MDN1: variants seen among roughly 807,000 people sequenced by gnomAD.
MDN1 encodes the protein midasin AAA ATPase 1, also known as midasin.
A neutral mutation model predicts 669.2 loss-of-function variants in MDN1; 266 were observed. The ratio of observed to expected loss-of-function variants is 0.40; its 90% CI spans 0.36 to 0.44. The LOEUF (loss-of-function observed/expected upper bound fraction) is 0.44, where lower values mean the gene tolerates loss of function less well. Among genes scored for constraint, MDN1 ranks in the 20% least tolerant of loss-of-function variants. The pLI is 1.00. For missense variants in MDN1, 5,940 were observed against 6,754.0 expected (o/e 0.88, Z 4.22); for synonymous variants, 2,385 against 2,457.1 (o/e 0.97, Z 0.87).
chr6:89,749,769 G>GC lies in MDN1; in HGVS notation c.3407-19dup. The GC allele has an allele frequency of 6.5e-7, 1 of 1,542,762 alleles. No individual in the cohort carries two copies. Among genetic ancestry groups the GC allele is most frequent in the Non-Finnish European group, 9.0e-7 (1 of 1,115,606 alleles). On this transcript the variant is annotated intron_variant, in intron 24 of 101. Transcript: ENST00000369393. ...AAGAACACCTAGGAAGAAACAAACAGCAAGAACTAGTGTATAAATCAGTAC... is the reference window on the plus strand; with the variant it reads ...AAGAACACCTAGGAAGAAACAAACAGCCAAGAACTAGTGTATAAATCAGTAC...
At chr6:89,799,579 A>G (rs1767495636) in intron 2 of MDN1, among the ~76,000 whole-genome samples, 1 of 152,144 alleles carries the variant, frequency 6.6e-6, no homozygotes. Context: ...GCTACTTCGG[A>G]GGCTGAGGCA....
At chr6:89,785,596 T>C (rs1818914441) in intron 8 of MDN1, among the ~76,000 whole-genome samples, 1 of 152,124 alleles carries the variant, frequency 6.6e-6, no homozygotes, top group East Asian at 1.9e-4. Context: ...CTGGGGAAGG[T>C]ACATGCTTAT....
Position 89,723,556 on chromosome 6 carries a change from T to A in MDN1, c.5734A>T (p.Ile1912Phe). Residue 1912 changes from isoleucine (I) to phenylalanine (F), a missense_variant, in exon 39 of 102, where the codon ATT (isoleucine) becomes TTT (phenylalanine). Ile to Phe is a conservative substitution (Grantham distance 21, BLOSUM62 0). Around this residue, in one of 5 missense-constraint regions of MDN1, gnomAD observed 2,292 missense variants for 2,638.3 expected, o/e 0.87. Transcript: ENST00000369393. ...EFIASTLFPA[I>F]EKNIVKKMVA... ...ATTTTCTTAACAATATTTTTCTCAATGGCTGGAAACAAAGTACTGGCAATG... is the reference window on the plus strand; with the variant it reads ...ATTTTCTTAACAATATTTTTCTCAAAGGCTGGAAACAAAGTACTGGCAATG... The A allele has an allele frequency of 1.2e-6, 2 of 1,604,254 alleles. No homozygotes were observed. Among genetic ancestry groups the A allele is most frequent in the Non-Finnish European group, 1.7e-6 (2 of 1,173,366 alleles).
At chr6:89,793,715 T>C (rs1391302543) in intron 5 of MDN1, 47 bp downstream of exon 5, 3 of 1,501,444 alleles carry the variant, frequency 2.0e-6, no homozygotes, top group African/African-American at 1.4e-5. Flanking sequence ...GCACACTCAG[T>C]GTTTAGTAGG....
At chr6:89,814,799 G>A (rs891639794) in intron 1 of MDN1, 55 of 455,122 alleles carry the variant, frequency 1.2e-4, no homozygotes, top group Non-Finnish European at 2.2e-5. Context: ...CTCCGCCAGG[G>A]CCCTGGGTTC....
chr6:89,710,338 G>A lies in MDN1; in HGVS notation c.7765+343C>T, dbSNP rs529474011. Among the ~76,000 whole-genome samples the A allele has an allele frequency of 2.6e-5, 4 of 152,002 alleles. No homozygotes were observed. In the Middle Eastern group the frequency reaches 0.01, roughly 388 times the overall value. On this transcript the variant is annotated intron_variant, in intron 50 of 101. Coordinates refer to ENST00000369393, the MANE Select transcript of MDN1 (RefSeq NM_014611.3). ...ACTCCTAGATTCTTTTTACTCCATGGCATATCATCAGCCTCCTTCAGAAGC... is the reference window on the plus strand; with the variant it reads ...ACTCCTAGATTCTTTTTACTCCATGACATATCATCAGCCTCCTTCAGAAGC...
At position 89,728,275 on chromosome 6, in the gene MDN1, A is replaced by C. The variant is rs553954785; in HGVS notation, c.5350-320T>G. Among the ~76,000 whole-genome samples, 395 of 152,334 alleles carry C rather than the reference A, an allele frequency of 2.6e-3. 2 individuals are homozygous for C. The highest frequency in any genetic ancestry group is 8.8e-3 in the African/African-American group (367 of 41,576). ...CAAAATCCTATTCCAAAGGATTCTC[A>C]TTCAATTTGTCATCTGTACCATATT... On this transcript the variant is annotated intron_variant, in intron 36 of 101. Coordinates refer to ENST00000369393, the MANE Select transcript of MDN1 (RefSeq NM_014611.3).
intron 45 of MDN1, 51 bp downstream of exon 45, chr6:89,715,602 T>G (rs369069060): frequency 6.3e-6 from 7 of 1,105,118 alleles, no homozygotes; most frequent in African/African-American, 1.5e-5. Context: ...CGTCTACCTC[T>G]GCTACTGAGG....
rs200745192 is a variant in MDN1, at chr6:89,650,096, G to A, written c.16134C>T (p.Pro5378=). The change falls in exon 97 of 102, where the codon CCC becomes CCT. Residue 5378 remains proline, a synonymous_variant. Transcript: ENST00000369393. ...KDKIWLRRTK[P]SKRQYQICLA... ...AACAAATCTGATACTGGCGTTTACT[G>A]GGCTTGGTCCTTCGAAGCCAAATCT... 6.2e-7 allele frequency: 1 copy of A among 1,614,042 alleles called. No individual in the cohort carries two copies. Among genetic ancestry groups the A allele is most frequent in the Non-Finnish European group, 8.5e-7 (1 of 1,180,012 alleles).
chr6:89,745,399 G>A lies in MDN1; in HGVS notation c.4052C>T (p.Thr1351Ile). 1 of 1,614,060 alleles carries A rather than the reference G, an allele frequency of 6.2e-7. No individual in the cohort carries two copies. The highest frequency in any genetic ancestry group is 2.2e-5 in the East Asian group (1 of 44,870). ...NVLKLLGKLS[T>I]QISTLECNFG... is the part of the protein sequence containing the mutation. ...GTTACACTCCAATGTGGATATCTGA[G>A]TAGACAATTTACCTATCCAAGGAAA... Residue 1351 changes from threonine (T) to isoleucine (I), a missense_variant, in exon 29 of 102, where the codon ACT becomes ATT. By Grantham distance (89) the Thr-to-Ile change is moderately conservative. Around this residue, in one of 5 missense-constraint regions of MDN1, gnomAD observed 2,292 missense variants for 2,638.3 expected, o/e 0.87. Transcript: ENST00000369393.
chr6:89,758,989 A>G (rs968921743), intron 17 of MDN1, 29 bp from the exon 18 acceptor site: 6 of 1,604,182 alleles, frequency 3.7e-6, no homozygotes, highest in Admixed American at 1.7e-5. Flanking sequence ...AAATGTTAAC[A>G]ATGTGTCAAA....
At chr6:89,741,344 A>C (rs1477297117) in intron 31 of MDN1, among the ~76,000 whole-genome samples, 2 of 152,198 alleles carry the variant, frequency 1.3e-5, no homozygotes, top group Non-Finnish European at 2.9e-5. Context: ...AGTAAAAAAA[A>C]ACACAAAAAC....
rs765009042 is a variant in MDN1, at chr6:89,672,371, AT to A, written c.13631-9del. On this transcript the variant is annotated splice_polypyrimidine_tract_variant and intron_variant, in intron 81 of 101. Transcript: ENST00000369393. The stretch of plus-strand genomic sequence containing the variant: ...GCAGTCTCTCAAAGCCTGCTGCCTC[AT>A]TCATTCAGAGAAAATAACAACATGA... The A allele has an allele frequency of 1.2e-6, 2 of 1,610,990 alleles. No homozygotes were observed. Among genetic ancestry groups the A allele is most frequent in the South Asian group, 2.2e-5 (2 of 90,108 alleles).
At chr6:89,770,397 T>A (rs996196124) in intron 15 of MDN1, among the ~76,000 whole-genome samples, 1 of 141,150 alleles carries the variant, frequency 7.1e-6, no homozygotes, top group African/African-American at 2.7e-5. Flanking sequence ...CAAGACTCTG[T>A]CTCAAAAAAA....
intron 90 of MDN1, among the ~76,000 whole-genome samples, chr6:89,657,640 G>C (rs993719332): frequency 6.6e-6 from 1 of 152,074 alleles, no homozygotes; most frequent in Non-Finnish European, 1.5e-5. Context: ...CTCCCATCTA[G>C]AGCTACCAGT....
In MDN1 at chr6:89,658,899, A is replaced by G; in HGVS notation, c.14732T>C (p.Ile4911Thr). Reference protein sequence around the residue: ...EEGEEENPLEIKEKPEEAGHE... With the variant: ...EEGEEENPLETKEKPEEAGHE... Reference sequence around the variant, plus strand: ...ACCTGCTTCTTCTGGTTTTTCTTTTATCTCCAAAGGATTCTCTTCTGTATA... The same window carrying G: ...ACCTGCTTCTTCTGGTTTTTCTTTTGTCTCCAAAGGATTCTCTTCTGTATA... Residue 4911 changes from isoleucine to threonine, a missense_variant, in exon 89 of 102, where the codon ATA becomes ACA. Physicochemically the swap from Ile to Thr is moderately conservative, Grantham distance 89. Coordinates refer to ENST00000369393, the MANE Select transcript of MDN1 (RefSeq NM_014611.3). 1 of 1,611,986 alleles carries G rather than the reference A, an allele frequency of 6.2e-7. No individual in the cohort carries two copies. Among genetic ancestry groups the G allele is most frequent in the Non-Finnish European group, 8.5e-7 (1 of 1,179,428 alleles).
intron 9 of MDN1, among the ~76,000 whole-genome samples, chr6:89,783,450 A>C (rs1424600576): frequency 6.6e-6 from 1 of 152,192 alleles, no homozygotes; most frequent in Non-Finnish European, 1.5e-5. Flanking sequence ...ATGTTTATCA[A>C]GACAATACGT....
intron 1 of MDN1, among the ~76,000 whole-genome samples, chr6:89,810,210 T>G (rs988814570): frequency 6.0e-5 from 9 of 149,910 alleles, no homozygotes; most frequent in African/African-American, 2.2e-4. Context: ...CTGAGGTGGG[T>G]GGATCACCTG....
chr6:89,732,045 C>A (rs1333284674), intron 34 of MDN1, among the ~76,000 whole-genome samples: 2 of 151,938 alleles, frequency 1.3e-5, no homozygotes, highest in African/African-American at 4.8e-5. Flanking sequence ...CAACCCAACC[C>A]CGGCCAATAA....
Sources: allele counts gnomAD v4.1 joint callset (sites outside exome capture counted in the v4.1 genomes callset), GRCh38; gene constraint gnomAD v4.1.1; regional missense constraint gnomAD v4.1.1; transcripts MANE v1.5; gene names NCBI Gene and HGNC (gene_info 2026-07-23, HGNC 2026-07-21).